Variants in PCDHA9 observed in about 807,000 individuals in gnomAD.
The protein encoded by PCDHA9 is protocadherin alpha 9.
Under a neutral mutation model 62.0 loss-of-function variants are expected in PCDHA9, and 62 were observed. The observed-to-expected ratio is 1.00, with a 90% CI of 0.81 to 1.23. The LOEUF (loss-of-function observed/expected upper bound fraction) is 1.23. Ranked by LOEUF, PCDHA9 falls within the 50% of genes most tolerant of loss-of-function variation. The pLI is 0.00. For missense variants in PCDHA9, 1,205 were observed against 1,249.8 expected, an observed-to-expected ratio of 0.96 and a Z score of 0.54; for synonymous variants, 557 against 567.6, an observed-to-expected ratio of 0.98 and a Z score of 0.27.
chr5:140,927,876 G>A lies in PCDHA9; in HGVS notation c.2395-51073G>A, dbSNP rs782412797. ...TAGCTAGCACCGCTAAACTGCTGGT[G>A]GAGGTGACTGACGTGAACGATCATG... On this transcript the variant is annotated intron_variant, in intron 1 of 3. Transcript: ENST00000532602. The A allele has an allele frequency of 1.9e-6, 3 of 1,614,202 alleles. No individual in the cohort carries two copies. The South Asian group carries it at 3.3e-5, about 18-fold the overall frequency.
At chr5:140,949,991 A>T (rs1585353048) in intron 1 of PCDHA9, among the ~76,000 whole-genome samples, 1 of 151,822 alleles carries the variant, frequency 6.6e-6, no homozygotes, top group East Asian at 1.9e-4. Flanking sequence ...AACTTTTCTC[A>T]GTCCACTTAA....
At chr5:140,895,843 C>G (rs574376494) in intron 1 of PCDHA9, among the ~76,000 whole-genome samples, 1 of 152,232 alleles carries the variant, frequency 6.6e-6, no homozygotes, top group East Asian at 1.9e-4. Context: ...CAAAGTCTCA[C>G]TCTTGTACCC....
At chr5:140,905,395 G>T (rs1562949609) in intron 1 of PCDHA9, among the ~76,000 whole-genome samples, 1 of 152,166 alleles carries the variant, frequency 6.6e-6, no homozygotes. Context: ...AGGTCTGTGT[G>T]CCTATTTTTA....
chr5:140,884,702 T>C (rs1362804646), intron 1 of PCDHA9: 7 of 1,495,380 alleles, frequency 4.7e-6, no homozygotes, highest in East Asian at 4.7e-5. Context: ...GTAAACACTT[T>C]AGCCTTCCTT....
chr5:140,954,885 T>C (rs1291095041), intron 1 of PCDHA9, among the ~76,000 whole-genome samples: 1 of 152,218 alleles, frequency 6.6e-6, no homozygotes, highest in Non-Finnish European at 1.5e-5. Context: ...GCTTTTCTTC[T>C]AGGGTTTTTA....
chr5:140,884,433 G>T, intron 1 of PCDHA9: 1 of 1,613,908 alleles, frequency 6.2e-7, no homozygotes, highest in Admixed American at 1.7e-5. Context: ...ACTGCGCTGC[G>T]GTGCTCGGCA....
At chr5:140,857,467 C>T in intron 1 of PCDHA9, 3 of 1,598,642 alleles carry the variant, frequency 1.9e-6, no homozygotes, top group Non-Finnish European at 2.6e-6. Flanking sequence ...GCTGCCACAT[C>T]TTCACGGTGT....
At chr5:140,883,162 C>A (rs782797002) in intron 1 of PCDHA9, 8 of 1,613,690 alleles carry the variant, frequency 5.0e-6, no homozygotes, top group Non-Finnish European at 5.1e-6. Context: ...TAAATCCGAA[C>A]AATGGAGAAA....
chr5:140,985,111 G>A (rs1252708098), intron 3 of PCDHA9, among the ~76,000 whole-genome samples: 2 of 151,892 alleles, frequency 1.3e-5, no homozygotes, highest in African/African-American at 2.4e-5. Context: ...CTAATTTTTT[G>A]TGTTTTTAGT....
At chr5:140,908,578 G>C (rs2074039304) in intron 1 of PCDHA9, among the ~76,000 whole-genome samples, 1 of 152,196 alleles carries the variant, frequency 6.6e-6, no homozygotes, top group South Asian at 2.1e-4. Flanking sequence ...CAAAAGGAGA[G>C]TAGTTAGCTG....
intron 1 of PCDHA9, chr5:140,967,093 G>T: frequency 6.2e-7 from 1 of 1,613,122 alleles, no homozygotes; most frequent in Non-Finnish European, 8.5e-7. Flanking sequence ...ATCGGGAGGC[G>T]CTGTGTGAGC....
At chr5:140,975,084 T>C (rs1353727401) in intron 1 of PCDHA9, among the ~76,000 whole-genome samples, 1 of 152,140 alleles carries the variant, frequency 6.6e-6, no homozygotes, top group African/African-American at 2.4e-5. Context: ...GTTGGCAGAA[T>C]CCAGTTGTTT....
intron 1 of PCDHA9, among the ~76,000 whole-genome samples, chr5:140,908,155 G>T (rs559304647): frequency 2.0e-5 from 3 of 152,194 alleles, no homozygotes; most frequent in African/African-American, 4.8e-5. Flanking sequence ...TCCTAGGAAG[G>T]GGCTGTAGTG....
intron 1 of PCDHA9, chr5:140,857,757 G>C (rs782736508): frequency 6.3e-7 from 1 of 1,597,402 alleles, no homozygotes; most frequent in Non-Finnish European, 8.6e-7. Flanking sequence ...TCTCCCGCTG[G>C]CAGCGCGGGC....
intron 1 of PCDHA9, chr5:140,928,426 TC>T (rs781827449): frequency 1.9e-6 from 3 of 1,614,134 alleles, no homozygotes; most frequent in South Asian, 2.2e-5. Context: ...TGCCAAAACT[TC>T]CTTTGACTTT....
intron 1 of PCDHA9, chr5:140,877,313 C>T (rs2057018817): frequency 6.2e-7 from 1 of 1,613,836 alleles, no homozygotes; most frequent in Non-Finnish European, 8.5e-7. Flanking sequence ...TTGCAACCGG[C>T]GGCGGTCGGC....
At chr5:140,968,228 C>T in intron 1 of PCDHA9, 1 of 1,614,010 alleles carries the variant, frequency 6.2e-7, no homozygotes, top group East Asian at 2.2e-5. Flanking sequence ...AGGTGTGTTG[C>T]TCTGTACTGT....
At chr5:140,852,952 C>A in intron 1 of PCDHA9, 1 of 475,904 alleles carries the variant, frequency 2.1e-6, no homozygotes, top group Non-Finnish European at 2.8e-6. Context: ...CATCTTGGCT[C>A]ACTCCAAGCT....
chr5:140,967,749 C>G (rs1554229896), intron 1 of PCDHA9: 1 of 1,614,172 alleles, frequency 6.2e-7, no homozygotes, highest in Non-Finnish European at 8.5e-7. Context: ...TATGAGGAAG[C>G]CTCCTCCTAC....
Sources: gnomAD v4.1 joint callset for allele counts (sites outside exome capture counted in the v4.1 genomes callset) on GRCh38, gnomAD v4.1.1 for gene constraint, MANE v1.5 for transcripts, NCBI Gene and HGNC (gene_info 2026-07-23, HGNC 2026-07-21) for gene names.